Variants in DENND4C observed in about 807,000 individuals in gnomAD.
DENND4C encodes the protein DENN domain-containing protein 4C.
In DENND4C, 108 loss-of-function variants were observed where a neutral mutation model predicts 203.0. The observed-to-expected ratio is 0.53, with a 90% CI of 0.46 to 0.62. The LOEUF (loss-of-function observed/expected upper bound fraction) is 0.62, where lower values mean the gene tolerates loss of function less well. DENND4C is among the 20% of genes least tolerant of loss of function. The pLI, the probability that DENND4C is intolerant of heterozygous loss-of-function variation, is 0.00. For missense variants in DENND4C, 2,481 were observed against 2,301.2 expected, an observed-to-expected ratio of 1.08 and a Z score of -1.60; for synonymous variants, 871 against 792.4, an observed-to-expected ratio of 1.10 and a Z score of -1.67.
At chr9:19,237,574 G>C (rs1454751154) in intron 1 of DENND4C, among the ~76,000 whole-genome samples, 1 of 151,678 alleles carries the variant, frequency 6.6e-6, no homozygotes, top group African/African-American at 2.4e-5. Context: ...AGCCAGGATG[G>C]TTACGATCTC....
intron 5 of DENND4C, among the ~76,000 whole-genome samples, chr9:19,295,302 G>A (rs1395588116): frequency 1.3e-5 from 2 of 151,986 alleles, no homozygotes; most frequent in Admixed American, 1.3e-4. Context: ...TCAGGAGATC[G>A]AGACCATCCT....
rs1588960609 is a variant in DENND4C, at chr9:19,345,469, G to A, written c.3152-452G>A. ...TTGCCAGTGCTAAGCATTCCATTCCGGATTATTTTACTTTACAGCAGTAAG... is the reference window on the plus strand; with the variant it reads ...TTGCCAGTGCTAAGCATTCCATTCCAGATTATTTTACTTTACAGCAGTAAG... On this transcript the variant is annotated intron_variant, in intron 22 of 32. Coordinates refer to ENST00000434457, the MANE Select transcript of DENND4C (RefSeq NM_001330640.2). Among the ~76,000 whole-genome samples, 6 of 152,160 alleles carry A rather than the reference G, an allele frequency of 3.9e-5. No individual in the cohort carries two copies. The South Asian group carries it at 1.0e-3, about 26-fold the overall frequency.
intron 1 of DENND4C, among the ~76,000 whole-genome samples, chr9:19,244,812 C>T (rs972221058): frequency 3.3e-5 from 5 of 151,808 alleles, no homozygotes; most frequent in African/African-American, 1.2e-4. Flanking sequence ...ACCTGGGACT[C>T]TTAATTCAGT....
At chr9:19,355,772 C>T (rs540455803) in intron 26 of DENND4C, among the ~76,000 whole-genome samples, 31 of 151,824 alleles carry the variant, frequency 2.0e-4, no homozygotes, top group African/African-American at 7.0e-4. Context: ...AGTTTGAGGT[C>T]CTCAAAAAAA....
intron 2 of DENND4C, among the ~76,000 whole-genome samples, chr9:19,277,063 C>A (rs1164302961): frequency 6.6e-6 from 1 of 151,980 alleles, no homozygotes; most frequent in African/African-American, 2.4e-5. Flanking sequence ...GCTACCTTGA[C>A]TCTTCTGTAA....
intron 26 of DENND4C, among the ~76,000 whole-genome samples, chr9:19,355,655 A>T (rs1825231194): frequency 6.6e-6 from 1 of 151,882 alleles, no homozygotes; most frequent in Admixed American, 6.6e-5. Context: ...TGTTTTCATC[A>T]CTTGGTCCTT....
chr9:19,318,858 G>A (rs961673681), intron 12 of DENND4C, among the ~76,000 whole-genome samples: 4 of 152,036 alleles, frequency 2.6e-5, no homozygotes, highest in Non-Finnish European at 5.9e-5. Flanking sequence ...CGAGGTACTA[G>A]GGGCTAGGAA....
chr9:19,263,213 A>T (rs1429814003), intron 1 of DENND4C, among the ~76,000 whole-genome samples: 1 of 152,082 alleles, frequency 6.6e-6, no homozygotes, highest in Non-Finnish European at 1.5e-5. Context: ...TTTGTCTTTT[A>T]TTCTGTTGAT....
intron 1 of DENND4C, among the ~76,000 whole-genome samples, chr9:19,258,427 C>T (rs1318534420): frequency 6.6e-6 from 1 of 152,048 alleles, no homozygotes; most frequent in East Asian, 1.9e-4. Context: ...TCCTCGTTAA[C>T]ATATATAAAA....
chr9:19,335,640 C>G (rs1302634974), intron 18 of DENND4C, among the ~76,000 whole-genome samples: 1 of 152,060 alleles, frequency 6.6e-6, no homozygotes, highest in South Asian at 2.1e-4. Flanking sequence ...ATTTCACTTA[C>G]CATAATGTCC....
In DENND4C at chr9:19,346,237, A is replaced by C. The variant is rs373392384; in HGVS notation, c.3468A>C (p.Leu1156=). ...GCTTTGAGAATGTTAGCTGTCACCT[A>C]CCTGATAGTAGGACTTGTATGTCTG... ...THSFENVSCH[L]PDSRTCMSES... The change falls in exon 23 of 33, where the codon CTA becomes CTC. Residue 1156 remains leucine (L), a synonymous_variant. Transcript: ENST00000434457. 2.8e-5 allele frequency: 45 copies of C among 1,614,192 alleles called. No individual in the cohort carries two copies. Among genetic ancestry groups the C allele is most frequent in the Middle Eastern group, 1.6e-4 (1 of 6,062 alleles).
intron 20 of DENND4C, 74 bp downstream of exon 20, chr9:19,336,906 C>A: frequency 7.0e-7 from 1 of 1,422,712 alleles, no homozygotes. Flanking sequence ...AAAGCTTCTT[C>A]CATTCTTGAG....
chr9:19,293,248 TTGTTTAGGGGATATCAACA>T (rs1261066838), intron 5 of DENND4C, among the ~76,000 whole-genome samples: 1 of 152,244 alleles, frequency 6.6e-6, no homozygotes, highest in Non-Finnish European at 1.5e-5. Context: ...GGCTTTTTCA[TTGTTTAGGGGATATCAACA>T]TGTAAGCATT....
intron 5 of DENND4C, among the ~76,000 whole-genome samples, chr9:19,294,075 C>T (rs4468024): frequency 0.23 from 35,006 of 152,018 alleles, 4,287 homozygotes; most frequent in East Asian, 0.44. Context: ...GTATGACATC[C>T]AGGTGGAGAT....
rs1832899156 is a variant in DENND4C, at chr9:19,276,326, A to T, written c.152A>T (p.Lys51Ile). ...APITDIAIII[K>I]SAGETVPEGY... Reference sequence around the variant, plus strand: ...ATTACAGACATTGCCATTATTATCAAATCAGCTGGAGAAACAGTACCTGAA... The same window carrying T: ...ATTACAGACATTGCCATTATTATCATATCAGCTGGAGAAACAGTACCTGAA... Residue 51 changes from lysine (K) to isoleucine (I), a missense_variant, in exon 2 of 33, where the codon AAA becomes ATA. Lys to Ile is a moderately radical substitution (Grantham distance 102). This residue lies in a region of DENND4C where 187 missense variants were observed against 167.4 expected (regional missense o/e 1.12). Coordinates refer to ENST00000434457, the MANE Select transcript of DENND4C (RefSeq NM_001330640.2). The T allele has an allele frequency of 8.1e-7, 1 of 1,232,010 alleles. No individual in the cohort carries two copies. Among genetic ancestry groups the T allele is most frequent in the Non-Finnish European group, 1.0e-6 (1 of 987,954 alleles). 76.3% of individuals were successfully genotyped at this position (1,232,010 alleles called of 1,614,324 possible). A position where few individuals can be genotyped will look rare whatever the true frequency, so the allele number is the denominator to read the frequency against.
chr9:19,280,423 G>A (rs943098958), intron 2 of DENND4C, among the ~76,000 whole-genome samples: 2 of 152,200 alleles, frequency 1.3e-5, no homozygotes, highest in East Asian at 3.8e-4. Context: ...GAGGTTACAG[G>A]CATGAGCCCC....
intron 1 of DENND4C, among the ~76,000 whole-genome samples, chr9:19,250,567 A>G (rs1216915175): frequency 1.3e-5 from 2 of 152,114 alleles, no homozygotes; most frequent in Non-Finnish European, 2.9e-5. Flanking sequence ...TCAAAAGTCC[A>G]CAGTCCAAAG....
intron 1 of DENND4C, among the ~76,000 whole-genome samples, chr9:19,269,503 C>G (rs993039028): frequency 1.3e-5 from 2 of 152,138 alleles, no homozygotes; most frequent in African/African-American, 4.8e-5. Context: ...CTCATGATTT[C>G]TTTATTCTGC....
intron 1 of DENND4C, among the ~76,000 whole-genome samples, chr9:19,248,894 G>C (rs920594287): frequency 6.6e-6 from 1 of 151,632 alleles, no homozygotes; most frequent in African/African-American, 2.4e-5. Flanking sequence ...GCCTCCTGGT[G>C]ATTCTCGTGC....
Sources: allele counts gnomAD v4.1 joint callset (sites outside exome capture counted in the v4.1 genomes callset), GRCh38; gene constraint gnomAD v4.1.1; regional missense constraint gnomAD v4.1.1; transcripts MANE v1.5; gene names NCBI Gene and HGNC (gene_info 2026-07-23, HGNC 2026-07-21).